Variants in LDLRAP1 observed in about 807,000 individuals in gnomAD.
LDLRAP1 encodes low density lipoprotein receptor adaptor protein 1, also known as low density lipoprotein receptor adapter protein 1.
In LDLRAP1, 30 loss-of-function variants were observed where a neutral mutation model predicts 37.8. The ratio of observed to expected loss-of-function variants is 0.79; its 90% CI spans 0.59 to 1.08. The LOEUF is 1.08. Among genes scored for constraint, LDLRAP1 ranks in the 50% least tolerant of loss-of-function variants. LDLRAP1 has a pLI of 0.00. For synonymous variants in LDLRAP1, 156 were observed against 169.8 expected, an observed-to-expected ratio of 0.92 and a Z score of 0.63; for missense variants, 375 against 401.6, an observed-to-expected ratio of 0.93 and a Z score of 0.57.
At chr1:25,550,587 G>A (rs2044049098) in intron 1 of LDLRAP1, among the ~76,000 whole-genome samples, 1 of 152,160 alleles carries the variant, frequency 6.6e-6, no homozygotes, top group African/African-American at 2.4e-5. Context: ...GAGAAGAGAC[G>A]GGGAAACTTA....
rs2043898631 is a variant in LDLRAP1, at chr1:25,544,975, G to A, written c.88+1189G>A. On this transcript the variant is annotated intron_variant, in intron 1 of 8. Coordinates refer to ENST00000374338, the MANE Select transcript of LDLRAP1 (RefSeq NM_015627.3). This position sits in a 1 kb window ranked among gnomAD's most constrained non-coding sequence, Gnocchi z 4.8. ...CTCCCTCCTCCTCTGGCCCCACTCT[G>A]TTGTTCAGCTGTGGCCGCCTCCCAG... Among the ~76,000 whole-genome samples, 2 of 152,240 alleles carry A rather than the reference G, an allele frequency of 1.3e-5. No homozygotes were observed. The highest frequency in any genetic ancestry group is 2.9e-5 in the Non-Finnish European group (2 of 68,036).
the LDLRAP1 span, among the ~76,000 whole-genome samples, chr1:25,584,980 G>A: frequency 1.1e-4 from 17 of 152,168 alleles, no homozygotes; most frequent in African/African-American, 2.4e-5. Flanking sequence ...GTGCTCTGAG[G>A]AAGTGACTTT....
the LDLRAP1 span, among the ~76,000 whole-genome samples, chr1:25,587,240 C>T: frequency 2.0e-5 from 3 of 152,182 alleles, no homozygotes; most frequent in African/African-American, 7.2e-5. Flanking sequence ...CAGCTCCAGC[C>T]TCCTGGGCTC....
At position 25,566,938 on chromosome 1, in the gene LDLRAP1, C is replaced by G. The variant is rs1480208470; in HGVS notation, c.873C>G (p.Asp291Glu). The change falls in exon 9 of 9, where the codon GAC (aspartate) becomes GAG (glutamate). Residue 291 changes from aspartate (D) to glutamate (E), a missense_variant. Physicochemically the swap from Asp to Glu is conservative, Grantham distance 45 (BLOSUM62 2). Coordinates refer to ENST00000374338, the MANE Select transcript of LDLRAP1 (RefSeq NM_015627.3). ...MHYAQCLSPV[D>E]WDKPDSSGTE... ...ACGCCCAGTGCCTCTCGCCTGTCGACTGGGACAAGCCTGACAGCAGCGGCA... is the reference window on the plus strand; with the variant it reads ...ACGCCCAGTGCCTCTCGCCTGTCGAGTGGGACAAGCCTGACAGCAGCGGCA... 2 of 1,613,610 alleles carry G rather than the reference C, an allele frequency of 1.2e-6. No individual in the cohort carries two copies. The highest frequency in any genetic ancestry group is 1.3e-5 in the African/African-American group (1 of 75,044).
At chr1:25,577,034 C>T in the LDLRAP1 span, among the ~76,000 whole-genome samples, 3,963 of 152,280 alleles carry the variant, frequency 0.026, 59 homozygotes, top group African/African-American at 0.034. Flanking sequence ...GATGTTCCTG[C>T]GAGCGTGGCA....
At chr1:25,565,051 A>G in intron 7 of LDLRAP1, 122 bp from the exon 8 acceptor site, 1 of 1,066,888 alleles carries the variant, frequency 9.4e-7, no homozygotes, top group Non-Finnish European at 1.5e-6. Context: ...CCGTGCCTCC[A>G]GGCGCCCACC....
chr1:25,567,142 G>C lies in LDLRAP1; in HGVS notation c.*150G>C. 1 of 959,168 alleles carries C rather than the reference G, an allele frequency of 1.0e-6. No homozygotes were observed. The highest frequency in any genetic ancestry group is 1.6e-6 in the Non-Finnish European group (1 of 625,690). The allele number at this position is 959,168 out of a possible 1,614,324, so 59.4% of individuals were successfully genotyped here. ...GATCAGAGCTGCAGCCAGTCAGGCA[G>C]GGGAGAGATTTTTCTTTTAAGCCCT... On this transcript the variant is annotated 3_prime_UTR_variant, in exon 9 of 9. Coordinates refer to ENST00000374338, the MANE Select transcript of LDLRAP1 (RefSeq NM_015627.3).
Position 25,544,725 on chromosome 1 carries a change from G to A in LDLRAP1, c.88+939G>A, listed in dbSNP as rs1392461116. 6.6e-6 allele frequency among the ~76,000 whole-genome samples: 1 copy of A among 152,202 alleles called. No homozygotes were observed. Among genetic ancestry groups the A allele is most frequent in the Non-Finnish European group, 1.5e-5 (1 of 68,044 alleles). On this transcript the variant is annotated intron_variant, in intron 1 of 8. Coordinates refer to ENST00000374338, the MANE Select transcript of LDLRAP1 (RefSeq NM_015627.3). This position sits in a 1 kb window ranked among gnomAD's most constrained non-coding sequence, Gnocchi z 4.8. ...GGGAGAAGAGAGTGGCTTGCCTGGG[G>A]TCACACACACCTTCCTGCTGGTTTT...
downstream of LDLRAP1, among the ~76,000 whole-genome samples, chr1:25,571,014 G>A (rs543066623): frequency 6.6e-6 from 1 of 152,330 alleles, no homozygotes; most frequent in East Asian, 1.9e-4. Context: ...GGATCAACAA[G>A]TTGACCAAAG....
At chr1:25,553,829 C>T (rs920726714) in intron 1 of LDLRAP1, 93 bp from the exon 2 acceptor site, 54 of 1,469,028 alleles carry the variant, frequency 3.7e-5, no homozygotes, top group Non-Finnish European at 4.7e-5. Context: ...ATCCCCCTTG[C>T]TGGGGTTTCC....
In LDLRAP1 at chr1:25,557,158, C is replaced by G. The variant is rs769803020; in HGVS notation, c.350C>G (p.Ser117Cys). ...GCTTCCTCCTTGCCTTTCAGGATCTCCTATTGCACAGCAGACAAGATGCAC... is the reference window on the plus strand; with the variant it reads ...GCTTCCTCCTTGCCTTTCAGGATCTGCTATTGCACAGCAGACAAGATGCAC... ...LIENVSIYRI[S>C]YCTADKMHDK... The change falls in exon 4 of 9, where the codon TCC becomes TGC. Residue 117 changes from serine to cysteine, a missense_variant. Transcript: ENST00000374338. The G allele has an allele frequency of 2.5e-6, 4 of 1,613,444 alleles. No homozygotes were observed. In the South Asian group the frequency reaches 4.4e-5, roughly 18 times the overall value.
At chr1:25,552,023 A>G (rs1305020196) in intron 1 of LDLRAP1, among the ~76,000 whole-genome samples, 1 of 152,178 alleles carries the variant, frequency 6.6e-6, no homozygotes, top group Non-Finnish European at 1.5e-5. Flanking sequence ...AGATGAAGAA[A>G]TGGCCTCAGA....
chr1:25,554,851 G>T lies in LDLRAP1; in HGVS notation c.232-9G>T. On this transcript the variant is annotated splice_polypyrimidine_tract_variant and intron_variant, in intron 2 of 8. Transcript: ENST00000374338. The surrounding 1 kb of genome is among the most constrained non-coding windows in gnomAD (Gnocchi z 5.4). Reference sequence around the variant, plus strand: ...TGGCAGACTCCTCTGACTCCTGTCTGCTCCCAAGGCTAAGGCCAGTGGGAA... The same window carrying T: ...TGGCAGACTCCTCTGACTCCTGTCTTCTCCCAAGGCTAAGGCCAGTGGGAA... 6.2e-7 allele frequency: 1 copy of T among 1,610,230 alleles called. No individual in the cohort carries two copies. Among genetic ancestry groups the T allele is most frequent in the Non-Finnish European group, 8.5e-7 (1 of 1,176,814 alleles).
At chr1:25,556,107 C>T (rs956679510) in intron 3 of LDLRAP1, among the ~76,000 whole-genome samples, 1 of 152,126 alleles carries the variant, frequency 6.6e-6, no homozygotes, top group East Asian at 1.9e-4. Context: ...AACACCTTCA[C>T]GCTCTGCCCA....
intron 1 of LDLRAP1, among the ~76,000 whole-genome samples, chr1:25,548,335 CTT>C (rs144789866): frequency 0.01 from 843 of 82,274 alleles, 25 homozygotes; most frequent in African/African-American, 0.05. Flanking sequence ...GATGGATACT[CTT>C]TTTTTTTTTT....
chr1:25,562,109 C>G (rs151193522), intron 4 of LDLRAP1, among the ~76,000 whole-genome samples: 615 of 152,318 alleles, frequency 4.0e-3, no homozygotes, highest in Non-Finnish European at 5.7e-3. Context: ...GACAAGCCTT[C>G]TACTCTCTTT....
chr1:25,579,633 G>T, the LDLRAP1 span, among the ~76,000 whole-genome samples: 1 of 152,234 alleles, frequency 6.6e-6, no homozygotes, highest in East Asian at 1.9e-4. Flanking sequence ...TTTTTTCCTT[G>T]AATCGCCCAG....
Position 25,544,204 on chromosome 1 carries a change from G to T in LDLRAP1, c.88+418G>T, listed in dbSNP as rs919030262. 5.9e-5 allele frequency among the ~76,000 whole-genome samples: 9 copies of T among 151,984 alleles called. No individual in the cohort carries two copies. The highest frequency in any genetic ancestry group is 1.2e-4 in the Non-Finnish European group (8 of 67,936). On this transcript the variant is annotated intron_variant, in intron 1 of 8. Transcript: ENST00000374338. The surrounding 1 kb of genome is among the most constrained non-coding windows in gnomAD (Gnocchi z 4.8). ...GGGCTTGGGAAGACGCCCCCGTCCC[G>T]CACCCCTGCGCCCCAGCCAGCAGCT... is the stretch of plus-strand genomic sequence containing the variant.
the LDLRAP1 span, among the ~76,000 whole-genome samples, chr1:25,580,573 T>TCA: frequency 6.6e-6 from 1 of 152,174 alleles, no homozygotes; most frequent in Non-Finnish European, 1.5e-5. Context: ...GGTGGCACAA[T>TCA]CACAGCTCAT....
Sources: gnomAD v4.1 joint callset for allele counts (sites outside exome capture counted in the v4.1 genomes callset) on GRCh38, gnomAD v4.1.1 for gene constraint, Gnocchi (gnomAD v3.1) non-coding constraint, MANE v1.5 for transcripts, NCBI Gene and HGNC (gene_info 2026-07-23, HGNC 2026-07-21) for gene names.